Variants in LRP2 observed in about 807,000 individuals in gnomAD.
LRP2 encodes the protein LDL receptor related protein 2.
LRP2 carries 172 observed loss-of-function variants against 531.0 expected under a neutral mutation model. The ratio of observed to expected loss-of-function variants is 0.32; its 90% CI spans 0.29 to 0.37. LRP2 has a LOEUF of 0.37. Ranked by LOEUF, LRP2 falls within the 10% of genes least tolerant of loss-of-function variation. The pLI, the probability that LRP2 is intolerant of heterozygous loss-of-function variation, is 1.00. For synonymous variants in LRP2, 1,992 were observed against 2,027.6 expected (o/e 0.98, Z 0.47); for missense variants, 5,167 against 5,868.3 (o/e 0.88, Z 3.90).
At chr2:169,296,380 C>G (rs1296621288) in intron 4 of LRP2, among the ~76,000 whole-genome samples, 1 of 151,810 alleles carries the variant, frequency 6.6e-6, no homozygotes, top group Non-Finnish European at 1.5e-5. Flanking sequence ...TTGCGTCTTT[C>G]CTCGCTGAGA....
chr2:169,233,604 G>A lies in LRP2; in HGVS notation c.4921-16C>T, dbSNP rs959069604. 1 of 1,613,248 alleles carries A rather than the reference G, an allele frequency of 6.2e-7. No individual in the cohort carries two copies. The highest frequency in any genetic ancestry group is 1.3e-5 in the African/African-American group (1 of 74,886). ...GCCGTATAATCTGTGAGGCAGAAGA[G>A]AACAGTGAGACCTCATCCAAAAATC... On this transcript the variant is annotated splice_polypyrimidine_tract_variant and intron_variant, in intron 29 of 78. Transcript: ENST00000649046.
chr2:169,154,419 G>A (rs576088875), intron 66 of LRP2, 41 bp downstream of exon 66: 5 of 1,577,192 alleles, frequency 3.2e-6, no homozygotes, highest in Non-Finnish European at 4.4e-6. Flanking sequence ...ATTCTATAAA[G>A]TCACTTAATA....
At chr2:169,215,802 A>T (rs1196598336) in intron 35 of LRP2, among the ~76,000 whole-genome samples, 1 of 148,292 alleles carries the variant, frequency 6.7e-6, no homozygotes, top group Non-Finnish European at 1.5e-5. Context: ...TATAGATTCT[A>T]TATACCATAT....
chr2:169,327,503 G>T (rs1255808225), intron 1 of LRP2, among the ~76,000 whole-genome samples: 2 of 118,938 alleles, frequency 1.7e-5, no homozygotes, highest in Non-Finnish European at 1.8e-5. Context: ...TCAGCCCCCC[G>T]CCCGGCCAGC....
chr2:169,231,536 G>A lies in LRP2; in HGVS notation c.5227+178C>T, dbSNP rs4668128. Among the ~76,000 whole-genome samples, 80,648 of 151,958 alleles carry A rather than the reference G, an allele frequency of 0.53. 22,722 individuals carry two copies. Among genetic ancestry groups the A allele is most frequent in the African/African-American group, 0.72 (29,997 of 41,420 alleles). Reference sequence around the variant, plus strand: ...AACATTAGTTCCATATACAGAAACTGTATTACAACCAAGGCACACAGTGAC... The same window carrying A: ...AACATTAGTTCCATATACAGAAACTATATTACAACCAAGGCACACAGTGAC... On this transcript the variant is annotated intron_variant, in intron 31 of 78. Coordinates refer to ENST00000649046, the MANE Select transcript of LRP2 (RefSeq NM_004525.3).
At chr2:169,314,943 T>C (rs1684717026) in intron 3 of LRP2, among the ~76,000 whole-genome samples, 1 of 151,896 alleles carries the variant, frequency 6.6e-6, no homozygotes, top group Admixed American at 6.6e-5. Flanking sequence ...AAGTCATGGG[T>C]TGTCTCAAAC....
At position 169,140,461 on chromosome 2, in the gene LRP2, T is replaced by C. The variant is rs774627697; in HGVS notation, c.13193A>G (p.Lys4398Arg). The C allele has an allele frequency of 2.2e-5, 35 of 1,613,522 alleles. No individual in the cohort carries two copies. Among genetic ancestry groups the C allele is most frequent in the South Asian group, 6.6e-5 (6 of 91,080 alleles). ...CCTCAACATTCAGACTTACTTGCAT[T>C]TGGGGAGGTCAGTCTCATCAAAATA... is the stretch of plus-strand genomic sequence containing the variant. The part of the protein sequence containing the change: ...NCYFDETDLP[K>R]CKCPSGYTGK... The change falls in exon 72 of 79, where the codon AAA (lysine) becomes AGA (arginine). Residue 4398 changes from lysine to arginine, a missense_variant. Coordinates refer to ENST00000649046, the MANE Select transcript of LRP2 (RefSeq NM_004525.3).
chr2:169,238,361 C>T (rs927877160), intron 26 of LRP2, 59 bp from the exon 27 acceptor site: 1 of 1,180,794 alleles, frequency 8.5e-7, no homozygotes, highest in Non-Finnish European at 1.3e-6. Flanking sequence ...CAAAACAACT[C>T]TTTAAAACTT....
At chr2:169,180,828 G>T (rs1307207346) in intron 52 of LRP2, among the ~76,000 whole-genome samples, 1 of 152,116 alleles carries the variant, frequency 6.6e-6, no homozygotes, top group African/African-American at 2.4e-5. Flanking sequence ...TTCAATATGG[G>T]TATTGTTGTT....
rs781393733 is a variant in LRP2 at position 169,171,996 on chromosome 2, T to C, written c.11263+19A>G. 9 of 1,613,936 alleles carry C rather than the reference T, an allele frequency of 5.6e-6. No individual in the cohort carries two copies. The highest frequency in any genetic ancestry group is 6.8e-6 in the Non-Finnish European group (8 of 1,179,876). On this transcript the variant is annotated intron_variant, in intron 58 of 78. Coordinates refer to ENST00000649046, the MANE Select transcript of LRP2 (RefSeq NM_004525.3). Reference sequence around the variant, plus strand: ...CAGCTCTGGTGGTATATAAGGACCATAGGACTGTGAACACTCACCACAGTT... The same window carrying C: ...CAGCTCTGGTGGTATATAAGGACCACAGGACTGTGAACACTCACCACAGTT...
intron 62 of LRP2, among the ~76,000 whole-genome samples, chr2:169,163,267 T>C (rs1686655116): frequency 6.6e-6 from 1 of 152,136 alleles, no homozygotes; most frequent in Non-Finnish European, 1.5e-5. Flanking sequence ...GTAATGTGCA[T>C]TGATTGCCAT....
intron 42 of LRP2, among the ~76,000 whole-genome samples, chr2:169,203,647 C>T (rs1688276570): frequency 6.6e-6 from 1 of 152,150 alleles, no homozygotes; most frequent in Admixed American, 6.5e-5. Context: ...GTCCCAGCTA[C>T]TAGGGAGGCT....
At chr2:169,129,863 A>G (rs1288131114) in intron 77 of LRP2, among the ~76,000 whole-genome samples, 1 of 152,194 alleles carries the variant, frequency 6.6e-6, no homozygotes, top group Admixed American at 6.5e-5. Flanking sequence ...ACTGCCAGAT[A>G]AAAACCTGGT....
At chr2:169,216,117 G>A in intron 35 of LRP2, 136 bp downstream of exon 35, 2 of 900,748 alleles carry the variant, frequency 2.2e-6, no homozygotes, top group South Asian at 2.8e-5. Flanking sequence ...GAAGTTATTG[G>A]GAGAAGGGGC....
intron 1 of LRP2, among the ~76,000 whole-genome samples, chr2:169,331,009 G>C (rs1685250043): frequency 6.6e-6 from 1 of 152,126 alleles, no homozygotes; most frequent in Non-Finnish European, 1.5e-5. Context: ...ACTCCCCTGG[G>C]AGAGTGATAA....
At chr2:169,197,062 G>C (rs1409960334) in intron 45 of LRP2, 32 bp from the exon 46 acceptor site, 1 of 1,611,676 alleles carries the variant, frequency 6.2e-7, no homozygotes, top group Non-Finnish European at 8.5e-7. Flanking sequence ...AAACCCATGA[G>C]CAAAACACAA....
At chr2:169,205,820 G>A (rs1688364523) in intron 40 of LRP2, among the ~76,000 whole-genome samples, 183 bp from the exon 41 acceptor site, 1 of 152,054 alleles carries the variant, frequency 6.6e-6, no homozygotes, top group Non-Finnish European at 1.5e-5. Flanking sequence ...TTCCTAGTAT[G>A]TTGCCAACCT....
intron 1 of LRP2, among the ~76,000 whole-genome samples, chr2:169,326,221 C>T (rs1422016566): frequency 1.9e-4 from 22 of 115,526 alleles, no homozygotes; most frequent in African/African-American, 6.8e-4. Context: ...CTCTCCCTCT[C>T]GGTCTCCCTC....
chr2:169,213,849 C>T lies in LRP2; in HGVS notation c.5848G>A (p.Gly1950Arg). The change falls in exon 36 of 79, where the codon GGA (glycine) becomes AGA (arginine). Residue 1950 changes from glycine (G) to arginine (R), a missense_variant. Coordinates refer to ENST00000649046, the MANE Select transcript of LRP2 (RefSeq NM_004525.3). ...RGVIERGNVDGTDRMILVHQL... is the reference protein window; with the variant it reads ...RGVIERGNVDRTDRMILVHQL... The stretch of plus-strand genomic sequence containing the variant: ...TGTACCAGGATCATTCGATCTGTTC[C>T]ATCCACGTTTCCTCTTTCAATCTAA... 6.2e-7 allele frequency: 1 copy of T among 1,613,400 alleles called. No homozygotes were observed. The highest frequency in any genetic ancestry group is 8.5e-7 in the Non-Finnish European group (1 of 1,179,450).
Sources: gnomAD v4.1 joint callset for allele counts (sites outside exome capture counted in the v4.1 genomes callset) on GRCh38, gnomAD v4.1.1 for gene constraint, MANE v1.5 for transcripts, NCBI Gene and HGNC (gene_info 2026-07-23, HGNC 2026-07-21) for gene names.